The following ZFP64 variants were observed in gnomAD, a reference collection of about 807,000 sequenced individuals.
ZFP64 encodes the protein zinc finger protein 64.
A neutral mutation model predicts 51.6 loss-of-function variants in ZFP64; 14 were observed. The ratio of observed to expected loss-of-function variants is 0.27; its 90% confidence interval spans 0.18 to 0.42. The LOEUF (loss-of-function observed/expected upper bound fraction) is 0.42. Ranked by LOEUF, ZFP64 falls within the 10% of genes least tolerant of loss-of-function variation. ZFP64 has a pLI of 1.00. For missense variants in ZFP64, 754 were observed against 906.8 expected, an observed-to-expected ratio of 0.83 and a Z score of 2.16; for synonymous variants, 375 against 361.4, an observed-to-expected ratio of 1.04 and a Z score of -0.43.
At chr20:52,149,974 C>T (rs553624700), downstream of ZFP64, among the ~76,000 whole-genome samples, 6 of 152,098 alleles carry the variant, frequency 3.9e-5, no homozygotes, top group East Asian at 5.8e-4. Flanking sequence ...TTTGGGAGAC[C>T]GAGGTGGGTG....
At chr20:52,088,727 A>G (rs2122702114) in intron 7 of ZFP64, 1 of 1,581,968 alleles carries the variant, frequency 6.3e-7, no homozygotes, top group South Asian at 1.1e-5. Context: ...GCCTGGGCAT[A>G]TGGGTGTGCC....
chr20:52,163,125 C>T (rs1981964696), intron 4 of ZFP64, among the ~76,000 whole-genome samples: 1 of 152,166 alleles, frequency 6.6e-6, no homozygotes, highest in South Asian at 2.1e-4. Flanking sequence ...CTTTGGGAGG[C>T]CAAGGTGGGT....
intron 5 of ZFP64, chr20:52,117,597 C>A (rs916415573): frequency 4.4e-6 from 2 of 453,568 alleles, no homozygotes; most frequent in African/African-American, 4.0e-5. Flanking sequence ...CTAGCCTGGG[C>A]GACAGAGCGA....
At chr20:52,179,691 A>G (rs902549514) in intron 2 of ZFP64, among the ~76,000 whole-genome samples, 1 of 152,200 alleles carries the variant, frequency 6.6e-6, no homozygotes, top group Non-Finnish European at 1.5e-5. Flanking sequence ...CCAAAGACCA[A>G]TAGGGACACC....
intron 5 of ZFP64, among the ~76,000 whole-genome samples, chr20:52,143,867 G>A (rs1980390665): frequency 7.0e-6 from 1 of 142,696 alleles, no homozygotes; most frequent in African/African-American, 2.5e-5. Context: ...AACTTTGCAA[G>A]TTACAGAAAT....
At chr20:52,155,655 T>A (rs1439009347) in intron 5 of ZFP64, among the ~76,000 whole-genome samples, 3 of 152,080 alleles carry the variant, frequency 2.0e-5, no homozygotes, top group South Asian at 2.1e-4. Context: ...TTTTTTTTTT[T>A]AATTTAACCA....
At chr20:52,186,751 T>C (rs1014931759) in intron 2 of ZFP64, 81 bp downstream of exon 2, 4 of 1,514,366 alleles carry the variant, frequency 2.6e-6, no homozygotes, top group Non-Finnish European at 3.6e-6. Context: ...TCTGGGAATC[T>C]ATATTTTTAA....
At chr20:52,130,979 T>G (rs6091454) in intron 5 of ZFP64, among the ~76,000 whole-genome samples, 8,267 of 152,086 alleles carry the variant, frequency 0.054, 788 homozygotes, top group African/African-American at 0.19. Flanking sequence ...AGCAGGAGTA[T>G]GGCGTGAACC....
At position 52,151,464 on chromosome 20, in the gene ZFP64, A is replaced by G; in HGVS notation, c.*682T>C. On this transcript the variant is annotated 3_prime_UTR_variant, in exon 6 of 6. Coordinates refer to ENST00000216923, the MANE Select transcript of ZFP64 (RefSeq NM_018197.3). ...GGGGAGTATTCCAGAATGGGGCAAAAGAGAGGCTGGGAAGTACCATTTACT... is the reference window on the plus strand; with the variant it reads ...GGGGAGTATTCCAGAATGGGGCAAAGGAGAGGCTGGGAAGTACCATTTACT... 8 of 985,454 alleles carry G rather than the reference A, an allele frequency of 8.1e-6. No homozygotes were observed. Among genetic ancestry groups the G allele is most frequent in the Non-Finnish European group, 9.6e-6 (8 of 829,974 alleles). 61.0% of individuals were successfully genotyped at this position (985,454 alleles called of 1,614,324 possible).
intron 6 of ZFP64, among the ~76,000 whole-genome samples, chr20:52,098,172 CAAAAA>C (rs34173401): frequency 1.6e-4 from 20 of 124,060 alleles, no homozygotes; most frequent in Middle Eastern, 4.5e-3. Context: ...AAACTGTCTC[CAAAAA>C]AAAAAAAAAA....
intron 5 of ZFP64, chr20:52,110,636 G>A: frequency 9.1e-7 from 1 of 1,096,104 alleles, no homozygotes; most frequent in Non-Finnish European, 1.3e-6. Flanking sequence ...TCCTGGCCAG[G>A]GTGTCCTATG....
chr20:52,189,406 A>T lies in ZFP64; in HGVS notation c.46+2185T>A, dbSNP rs565901780. Among the ~76,000 whole-genome samples, 5 of 152,012 alleles carry T rather than the reference A, an allele frequency of 3.3e-5. No individual in the cohort carries two copies. In the East Asian group the frequency reaches 9.7e-4, roughly 29 times the overall value. On this transcript the variant is annotated intron_variant, in intron 1 of 5. Coordinates refer to ENST00000216923, the MANE Select transcript of ZFP64 (RefSeq NM_018197.3). ...GAGACTTCATCTCAAAAAAAAAAAAAATTGCATAAGATCATAATATTGTAA... is the reference window on the plus strand; with the variant it reads ...GAGACTTCATCTCAAAAAAAAAAAATATTGCATAAGATCATAATATTGTAA...
chr20:52,094,723 A>G (rs970148282), intron 7 of ZFP64, among the ~76,000 whole-genome samples: 1 of 151,896 alleles, frequency 6.6e-6, no homozygotes, highest in African/African-American at 2.4e-5. Context: ...ACAGAGCAAG[A>G]GAAGACCCTG....
intron 6 of ZFP64, among the ~76,000 whole-genome samples, chr20:52,098,190 G>T (rs999598967): frequency 6.4e-5 from 6 of 94,240 alleles, no homozygotes; most frequent in African/African-American, 8.7e-5. Flanking sequence ...AAAAAAAAAA[G>T]AGTCCATATA....
intron 5 of ZFP64, among the ~76,000 whole-genome samples, chr20:52,111,417 G>A (rs770176879): frequency 2.0e-4 from 31 of 151,844 alleles, no homozygotes; most frequent in Non-Finnish European, 3.2e-4. Flanking sequence ...GTTTCTCCAT[G>A]TTGGTCAGGC....
chr20:52,090,412 A>AG (rs567558487), intron 7 of ZFP64, among the ~76,000 whole-genome samples: 5 of 152,338 alleles, frequency 3.3e-5, no homozygotes, highest in African/African-American at 1.2e-4. Flanking sequence ...AGAAAAAAAA[A>AG]TAAGGGTGAT....
intron 4 of ZFP64, among the ~76,000 whole-genome samples, chr20:52,161,032 G>A (rs1190164722): frequency 6.6e-6 from 1 of 152,192 alleles, no homozygotes; most frequent in Admixed American, 6.5e-5. Flanking sequence ...GCAGCTGAGG[G>A]TGGCATACCT....
At chr20:52,128,368 C>T (rs1979546572) in intron 5 of ZFP64, among the ~76,000 whole-genome samples, 1 of 152,164 alleles carries the variant, frequency 6.6e-6, no homozygotes. Flanking sequence ...TGGTGGTGCC[C>T]CACCCACCAT....
intron 5 of ZFP64, among the ~76,000 whole-genome samples, chr20:52,155,134 T>C (rs750567040): frequency 2.0e-5 from 3 of 152,238 alleles, no homozygotes; most frequent in Non-Finnish European, 4.4e-5. Context: ...GTGTGTTTCA[T>C]TAATGAATTC....
Sources: allele counts gnomAD v4.1 joint callset (sites outside exome capture counted in the v4.1 genomes callset), GRCh38; gene constraint gnomAD v4.1.1; transcripts MANE v1.5; gene names NCBI Gene and HGNC (gene_info 2026-07-23, HGNC 2026-07-21).